Variants in HAGH observed in about 807,000 individuals in gnomAD.
HAGH encodes the protein hydroxyacylglutathione hydrolase, mitochondrial.
Under a neutral mutation model 35.1 loss-of-function variants are expected in HAGH, and 29 were observed. That is an observed-to-expected ratio of 0.83 (90% CI 0.62 to 1.13). The LOEUF is 1.13. Ranked by LOEUF, HAGH falls within the 50% of genes most tolerant of loss-of-function variation. HAGH has a pLI of 0.00. For missense variants in HAGH, 478 were observed against 419.6 expected (o/e 1.14, Z -1.22); for synonymous variants, 225 against 176.1 (o/e 1.28, Z -2.20).
intron 1 of HAGH, among the ~76,000 whole-genome samples, chr16:1,824,667 G>A (rs193122858): frequency 2.4e-4 from 37 of 152,220 alleles, no homozygotes; most frequent in Admixed American, 8.5e-4. Context: ...ACAGACACAC[G>A]CGTCTCCAGG....
At chr16:1,819,026 G>T in intron 5 of HAGH, 89 bp downstream of exon 5, 1 of 798,058 alleles carries the variant, frequency 1.3e-6, no homozygotes, top group Non-Finnish European at 2.1e-6. Context: ...CAACAGAGAA[G>T]GCCACGAAGC....
Position 1,816,976 on chromosome 16 carries a change from C to T in HAGH, c.664G>A (p.Glu222Lys), listed in dbSNP as rs1377182815. 8 of 1,611,732 alleles carry T rather than the reference C, an allele frequency of 5.0e-6. No homozygotes were observed. The highest frequency in any genetic ancestry group is 6.8e-6 in the Non-Finnish European group (8 of 1,177,788). Reference sequence around the variant, plus strand: ...AACTTGAGGTTGTTGATGGTGTACTCGTGGCCACAGTAGACTCTCTGAGGA... The same window carrying T: ...AACTTGAGGTTGTTGATGGTGTACTTGTGGCCACAGTAGACTCTCTGAGGA... ...PPDTRVYCGH[E>K]YTINNLKFAR... Residue 222 changes from glutamate (E) to lysine (K), a missense_variant, in exon 7 of 9, where the codon GAG (glutamate) becomes AAG (lysine). Transcript: ENST00000397356.
Position 1,816,963 on chromosome 16 carries a change from T to C in HAGH, c.677A>G (p.Asn226Ser), listed in dbSNP as rs199518994. 4.3e-6 allele frequency: 7 copies of C among 1,613,566 alleles called. No individual in the cohort carries two copies. The East Asian group carries it at 6.7e-5, about 15-fold the overall frequency. ...RVYCGHEYTI[N>S]NLKFARHVEP... ...CACGTGGCGTGCAAACTTGAGGTTG[T>C]TGATGGTGTACTCGTGGCCACAGTA... is the stretch of plus-strand genomic sequence containing the variant. The change falls in exon 7 of 9, where the codon AAC becomes AGC. Residue 226 changes from asparagine (N) to serine (S), a missense_variant. By Grantham distance (46) the Asn-to-Ser change is conservative. Coordinates refer to ENST00000397356, the MANE Select transcript of HAGH (RefSeq NM_005326.6).
chr16:1,813,631 G>C (rs572379003), intron 7 of HAGH, among the ~76,000 whole-genome samples: 5 of 152,170 alleles, frequency 3.3e-5, no homozygotes, highest in Non-Finnish European at 5.9e-5. Flanking sequence ...TGTTAAGATC[G>C]CAATTCTCGC....
chr16:1,814,807 A>C (rs1897814326), intron 7 of HAGH, among the ~76,000 whole-genome samples: 1 of 152,002 alleles, frequency 6.6e-6, no homozygotes, highest in Admixed American at 6.6e-5. Context: ...CTGAGGCAGG[A>C]GAATGGCTTG....
chr16:1,819,255 C>A, intron 4 of HAGH, 32 bp from the exon 5 acceptor site: 3 of 1,415,318 alleles, frequency 2.1e-6, no homozygotes, highest in Non-Finnish European at 2.0e-6. Flanking sequence ...CGTGTGCTCC[C>A]AGACACCCTG....
At chr16:1,822,086 T>C in intron 3 of HAGH, 1 of 574,866 alleles carries the variant, frequency 1.7e-6, no homozygotes, top group Non-Finnish European at 3.2e-6. Flanking sequence ...GGCTGTAACC[T>C]TCTCCCCTCA....
In HAGH at chr16:1,808,943, C is replaced by G. The variant is rs2142022188; in HGVS notation, c.*340G>C. The G allele has an allele frequency of 7.3e-6, 2 of 274,284 alleles. No homozygotes were observed. Among genetic ancestry groups the G allele is most frequent in the South Asian group, 8.7e-5 (1 of 11,538 alleles). 17.0% of individuals were successfully genotyped at this position (274,284 alleles called of 1,614,324 possible). ...GTACCGACCGCAGCAGTGGGCCTGA[C>G]AGTCCCATCAGCACCCAGCCAAGGC... On this transcript the variant is annotated 3_prime_UTR_variant, in exon 9 of 9. Transcript: ENST00000397356.
In HAGH at chr16:1,822,370, G is replaced by A. The variant is rs1898193886; in HGVS notation, c.250-6C>T. ...TTTCTCGCCGCGTCCACGACCTGCAGTGGCCCCGGGGAAGGACAAAGGCCT... is the reference window on the plus strand; with the variant it reads ...TTTCTCGCCGCGTCCACGACCTGCAATGGCCCCGGGGAAGGACAAAGGCCT... On this transcript the variant is annotated splice_region_variant and splice_polypyrimidine_tract_variant and intron_variant, in intron 2 of 8. Transcript: ENST00000397356. 6.2e-7 allele frequency: 1 copy of A among 1,606,364 alleles called. No homozygotes were observed. The highest frequency in any genetic ancestry group is 1.3e-5 in the African/African-American group (1 of 74,814).
At chr16:1,814,215 C>T (rs1344184709) in intron 7 of HAGH, among the ~76,000 whole-genome samples, 2 of 152,184 alleles carry the variant, frequency 1.3e-5, no homozygotes, top group Non-Finnish European at 2.9e-5. Context: ...TGGCTCACAT[C>T]TGTAATCCCA....
In HAGH at chr16:1,819,903, T is replaced by G. The variant is rs778048310; in HGVS notation, c.426A>C (p.Thr142=). The part of the protein sequence containing the change: ...ALTHKITHLS[T]LQVGSLNVKC... ...TCCAGGGCTCACTCCTTACCTGCAG[T>G]GTGGACAGGTGAGTGATCTTGTGAG... The change falls in exon 4 of 9, where the codon ACA becomes ACC. Residue 142 remains threonine (T), a synonymous_variant. Coordinates refer to ENST00000397356, the MANE Select transcript of HAGH (RefSeq NM_005326.6). 1 of 1,593,538 alleles carries G rather than the reference T, an allele frequency of 6.3e-7. No individual in the cohort carries two copies. Among genetic ancestry groups the G allele is most frequent in the Admixed American group, 1.7e-5 (1 of 59,972 alleles).
At chr16:1,826,511 C>T in intron 1 of HAGH, 10 of 975,814 alleles carry the variant, frequency 1.0e-5, no homozygotes, top group Non-Finnish European at 1.2e-5. Flanking sequence ...GCTTACCTAG[C>T]GCTTTCCGCA....
intron 3 of HAGH, among the ~76,000 whole-genome samples, chr16:1,820,636 C>G (rs939175371): frequency 2.6e-5 from 4 of 152,152 alleles, no homozygotes; most frequent in Non-Finnish European, 5.9e-5. Context: ...CTGCCTGACC[C>G]GCAGTTCAGA....
chr16:1,809,040 A>T lies in HAGH; in HGVS notation c.*243T>A, dbSNP rs1048834043. 2.1e-6 allele frequency: 1 copy of T among 471,064 alleles called. No homozygotes were observed. Among genetic ancestry groups the T allele is most frequent in the Non-Finnish European group, 3.8e-6 (1 of 263,372 alleles). 29.2% of individuals were successfully genotyped at this position (471,064 alleles called of 1,614,324 possible). ...GGACTGCAGTGGCTCACGGAGGAGGAAGGAGGCCCGAGGGGACAAGCAGAG... is the reference window on the plus strand; with the variant it reads ...GGACTGCAGTGGCTCACGGAGGAGGTAGGAGGCCCGAGGGGACAAGCAGAG... On this transcript the variant is annotated 3_prime_UTR_variant, in exon 9 of 9. Coordinates refer to ENST00000397356, the MANE Select transcript of HAGH (RefSeq NM_005326.6).
chr16:1,809,172 G>A lies in HAGH; in HGVS notation c.*111C>T, dbSNP rs1897516548. On this transcript the variant is annotated 3_prime_UTR_variant, in exon 9 of 9. Transcript: ENST00000397356. ...TAGAATGTCCGATAACACAAGCCAA[G>A]GGCTGTAAAATTAAGGTTAAATCAA... 5.6e-6 allele frequency: 4 copies of A among 716,754 alleles called. No homozygotes were observed. In the South Asian group the frequency reaches 7.1e-5, roughly 13 times the overall value. The allele number at this position is 716,754 out of a possible 1,614,324, so 44.4% of individuals were successfully genotyped here. A position where few individuals can be genotyped will look rare whatever the true frequency, so the allele number is the denominator to read the frequency against.
chr16:1,819,742 C>G (rs1898059018), intron 4 of HAGH, 155 bp downstream of exon 4: 6 of 657,274 alleles, frequency 9.1e-6, no homozygotes, highest in South Asian at 3.3e-5. Context: ...CTCCTTGTGC[C>G]TAGACAGAGA....
intron 8 of HAGH, 127 bp downstream of exon 8, chr16:1,809,627 G>T: frequency 1.3e-6 from 1 of 766,700 alleles, no homozygotes; most frequent in Non-Finnish European, 2.3e-6. Context: ...GGGCTCTGCG[G>T]CTGCACCTGT....
At chr16:1,814,493 C>G (rs1162945667) in intron 7 of HAGH, among the ~76,000 whole-genome samples, 9 of 143,232 alleles carry the variant, frequency 6.3e-5, no homozygotes, top group South Asian at 5.0e-4. Flanking sequence ...AAAAAAGAAA[C>G]AAACAAAAAA....
rs1341197648 is a variant in HAGH at position 1,809,048 on chromosome 16, C to A, written c.*235G>T. On this transcript the variant is annotated 3_prime_UTR_variant, in exon 9 of 9. Transcript: ENST00000397356. ...GTGGCTCACGGAGGAGGAAGGAGGC[C>A]CGAGGGGACAAGCAGAGGCCTAAAG... 1 of 480,858 alleles carries A rather than the reference C, an allele frequency of 2.1e-6. No individual in the cohort carries two copies. The allele number at this position is 480,858 out of a possible 1,614,324, so 29.8% of individuals were successfully genotyped here. A position where few individuals can be genotyped will look rare whatever the true frequency, so the allele number is the denominator to read the frequency against.
Sources: gnomAD v4.1 joint callset for allele counts (sites outside exome capture counted in the v4.1 genomes callset) on GRCh38, gnomAD v4.1.1 for gene constraint, MANE v1.5 for transcripts, NCBI Gene and HGNC (gene_info 2026-07-23, HGNC 2026-07-21) for gene names.